COL22A1: variants seen among roughly 807,000 people sequenced by gnomAD.
COL22A1 encodes the protein collagen alpha-1(XXII) chain.
A neutral mutation model predicts 248.9 loss-of-function variants in COL22A1; 221 were observed. The ratio of observed to expected loss-of-function variants is 0.89; its 90% CI spans 0.80 to 0.99. The LOEUF (loss-of-function observed/expected upper bound fraction) is 0.99. Ranked by LOEUF, COL22A1 falls within the 50% of genes least tolerant of loss-of-function variation. COL22A1 has a pLI of 0.00. For missense variants in COL22A1, 2,240 were observed against 2,179.0 expected (o/e 1.03, Z -0.56); for synonymous variants, 891 against 793.4 (o/e 1.12, Z -2.07).
rs11284610 is a variant in COL22A1 at position 138,796,389 on chromosome 8, C to CTTTTTTTTTTTTTTTTTTTTTTT, written c.1596+407_1596+429dup. Among the ~76,000 whole-genome samples, 10 of 26,318 alleles carry CTTTTTTTTTTTTTTTTTTTTTTT rather than the reference C, an allele frequency of 3.8e-4. 2 individuals are homozygous for CTTTTTTTTTTTTTTTTTTTTTTT. The highest frequency in any genetic ancestry group is 5.4e-4 in the African/African-American group (4 of 7,462). The allele number at this position is 26,318 out of a possible 152,430, so 17.3% of individuals were successfully genotyped here. On this transcript the variant is annotated intron_variant, in intron 12 of 64. Coordinates refer to ENST00000303045, the MANE Select transcript of COL22A1 (RefSeq NM_152888.3). ...TTTTTTTCTCTTGCTTGCTACTTTC[C>CTTTTTTTTTTTTTTTTTTTTTTT]TTTTTTTTTTTTTTTTTTTTTTTTT...
At chr8:138,857,153 C>G (rs1485814929) in intron 3 of COL22A1, among the ~76,000 whole-genome samples, 1 of 152,004 alleles carries the variant, frequency 6.6e-6, no homozygotes, top group Admixed American at 6.6e-5. Flanking sequence ...CTACCTCTAT[C>G]TGCTGACCCC....
chr8:138,739,481 C>T (rs542056133), intron 22 of COL22A1, among the ~76,000 whole-genome samples: 5 of 152,314 alleles, frequency 3.3e-5, no homozygotes, highest in South Asian at 2.1e-4. Context: ...TGTCTTCTCA[C>T]GCTGCCGTAA....
At chr8:138,851,833 G>A (rs1047629740) in intron 3 of COL22A1, among the ~76,000 whole-genome samples, 2 of 152,200 alleles carry the variant, frequency 1.3e-5, no homozygotes, top group Non-Finnish European at 2.9e-5. Context: ...TGACAAGCTC[G>A]CTGTCCTCAG....
At chr8:138,842,591 T>G (rs1820966041) in intron 4 of COL22A1, among the ~76,000 whole-genome samples, 1 of 152,218 alleles carries the variant, frequency 6.6e-6, no homozygotes, top group African/African-American at 2.4e-5. Flanking sequence ...AAAGTGGGAA[T>G]GTTGAAGTGA....
intron 9 of COL22A1, 140 bp from the exon 10 acceptor site, chr8:138,807,952 A>T: frequency 1.3e-6 from 1 of 778,306 alleles, no homozygotes; most frequent in South Asian, 1.7e-5. Flanking sequence ...TTGGGCAAGG[A>T]AATTGGTTGA....
At chr8:138,725,015 G>C (rs1328347480) in intron 24 of COL22A1, among the ~76,000 whole-genome samples, 5 of 152,206 alleles carry the variant, frequency 3.3e-5, no homozygotes, top group African/African-American at 1.2e-4. Context: ...TTTTTCAGCA[G>C]CCCCAAAAGA....
chr8:138,739,762 A>G (rs1276834840), intron 22 of COL22A1, among the ~76,000 whole-genome samples: 5 of 152,170 alleles, frequency 3.3e-5, no homozygotes, highest in Non-Finnish European at 7.3e-5. Flanking sequence ...GAGAAAAGTG[A>G]TATCAGGGAG....
At chr8:138,715,554 G>A in intron 30 of COL22A1, 128 bp downstream of exon 30, 1 of 646,038 alleles carries the variant, frequency 1.5e-6, no homozygotes, top group Non-Finnish European at 2.4e-6. Context: ...GGATGACAGA[G>A]AGAGACTCTC....
chr8:138,644,120 TAACTC>T (rs773652691), intron 47 of COL22A1, among the ~76,000 whole-genome samples: 67 of 152,264 alleles, frequency 4.4e-4, no homozygotes, highest in Middle Eastern at 3.4e-3. Context: ...CAATCTAAAA[TAACTC>T]AAGATGATTG....
chr8:138,621,861 G>T (rs1399661451), intron 52 of COL22A1, among the ~76,000 whole-genome samples: 1 of 152,156 alleles, frequency 6.6e-6, no homozygotes, highest in Non-Finnish European at 1.5e-5. Flanking sequence ...CCACATTTTT[G>T]CCCAGGCTGA....
chr8:138,889,403 G>A (rs909818417), intron 1 of COL22A1, among the ~76,000 whole-genome samples: 8 of 152,208 alleles, frequency 5.3e-5, no homozygotes, highest in African/African-American at 1.4e-4. Flanking sequence ...ATGAGTTCAC[G>A]TCCTTTGTAG....
At chr8:138,888,584 T>C (rs1346153500) in intron 1 of COL22A1, among the ~76,000 whole-genome samples, 1 of 152,200 alleles carries the variant, frequency 6.6e-6, no homozygotes, top group African/African-American at 2.4e-5. Context: ...ACCAGGGCTC[T>C]AAAGGCCACT....
intron 37 of COL22A1, among the ~76,000 whole-genome samples, chr8:138,688,376 C>A (rs376400608): frequency 2.6e-5 from 4 of 152,090 alleles, no homozygotes; most frequent in South Asian, 4.1e-4. Context: ...CAAAAATTAG[C>A]CAGGCATGGT....
At chr8:138,871,352 G>C (rs1228839906) in intron 3 of COL22A1, among the ~76,000 whole-genome samples, 2 of 152,182 alleles carry the variant, frequency 1.3e-5, no homozygotes, top group Non-Finnish European at 2.9e-5. Context: ...GCCTCCTACA[G>C]ATGAGAACAG....
At chr8:138,880,484 C>CA (rs1298839165) in intron 2 of COL22A1, among the ~76,000 whole-genome samples, 2 of 152,188 alleles carry the variant, frequency 1.3e-5, no homozygotes, top group East Asian at 1.9e-4. Context: ...CAATAAAGTT[C>CA]AAAAAACAGA....
At chr8:138,591,671 C>A (rs1040724611) in intron 63 of COL22A1, among the ~76,000 whole-genome samples, 170 bp from the exon 64 acceptor site, 2 of 152,176 alleles carry the variant, frequency 1.3e-5, no homozygotes, top group Non-Finnish European at 2.9e-5. Context: ...TTCCCACTCA[C>A]ACACTCATTC....
chr8:138,646,382 C>T (rs1177891162), intron 47 of COL22A1, among the ~76,000 whole-genome samples: 2 of 152,184 alleles, frequency 1.3e-5, no homozygotes, highest in African/African-American at 4.8e-5. Flanking sequence ...CCCACACAGT[C>T]CAATTCTTCC....
At chr8:138,623,677 T>A (rs7839790) in intron 52 of COL22A1, 55 bp downstream of exon 52, 1,296,564 of 1,466,998 alleles carry the variant, frequency 0.88, 578,989 homozygotes, top group Middle Eastern at 0.93. Context: ...AGTAGTTGTT[T>A]TTGACATGTA....
At position 138,770,076 on chromosome 8, in the gene COL22A1, A is replaced by G. The variant is rs1586699782; in HGVS notation, c.1803+5890T>C. 2.0e-5 allele frequency among the ~76,000 whole-genome samples: 3 copies of G among 152,118 alleles called. No individual in the cohort carries two copies. The South Asian group carries it at 6.2e-4, about 32-fold the overall frequency. On this transcript the variant is annotated intron_variant, in intron 16 of 64. Coordinates refer to ENST00000303045, the MANE Select transcript of COL22A1 (RefSeq NM_152888.3). Reference sequence around the variant, plus strand: ...GCCAGAGGGGTCCAGAGCTTGTCTAAGGTACCTGCACTGGTGGAGGCCAAC... The same window carrying G: ...GCCAGAGGGGTCCAGAGCTTGTCTAGGGTACCTGCACTGGTGGAGGCCAAC...
Sources: gnomAD v4.1 joint callset for allele counts (sites outside exome capture counted in the v4.1 genomes callset) on GRCh38, gnomAD v4.1.1 for gene constraint, MANE v1.5 for transcripts, NCBI Gene and HGNC (gene_info 2026-07-23, HGNC 2026-07-21) for gene names.